CALN1: variants seen among roughly 807,000 people sequenced by gnomAD.
The protein encoded by CALN1 is calcium-binding protein 8.
In CALN1, 17 loss-of-function variants were observed where a neutral mutation model predicts 30.6. The observed-to-expected ratio is 0.56, with a 90% CI of 0.38 to 0.83. The LOEUF (loss-of-function observed/expected upper bound fraction) is 0.83, where lower values mean the gene tolerates loss of function less well. Among genes scored for constraint, CALN1 ranks in the 40% least tolerant of loss-of-function variants. The pLI is 0.00. For missense variants in CALN1, 291 were observed against 354.9 expected, an observed-to-expected ratio of 0.82 and a Z score of 1.45; for synonymous variants, 156 against 131.4, an observed-to-expected ratio of 1.19 and a Z score of -1.28.
chr7:71,848,996 G>C (rs1293408182), intron 5 of CALN1, among the ~76,000 whole-genome samples: 3 of 152,040 alleles, frequency 2.0e-5, no homozygotes, highest in Non-Finnish European at 4.4e-5. Context: ...TGTTATGGTG[G>C]CTTTCCCCAT....
chr7:72,480,246 T>G, the CALN1 span, among the ~76,000 whole-genome samples: 3 of 152,250 alleles, frequency 2.0e-5, no homozygotes, highest in African/African-American at 7.2e-5. Flanking sequence ...CGAGAGTACT[T>G]GTCAGGAATC....
At chr7:72,500,859 G>T in the CALN1 span, among the ~76,000 whole-genome samples, 2 of 151,766 alleles carry the variant, frequency 1.3e-5, no homozygotes, top group African/African-American at 4.8e-5. Flanking sequence ...ATCTTAAATT[G>T]ATTTTTTGCA....
intron 3 of CALN1, among the ~76,000 whole-genome samples, chr7:72,177,384 C>T (rs936794511): frequency 7.9e-5 from 12 of 152,114 alleles, no homozygotes; most frequent in African/African-American, 7.2e-5. Context: ...TAAGACTGAT[C>T]AGCAGCTCAG....
chr7:72,454,924 C>A, the CALN1 span, among the ~76,000 whole-genome samples: 1 of 152,038 alleles, frequency 6.6e-6, no homozygotes, highest in East Asian at 1.9e-4. Flanking sequence ...CCCCACCTCC[C>A]GGGTTCAAGT....
chr7:71,985,584 C>CTTTTT (rs962922789), intron 5 of CALN1, among the ~76,000 whole-genome samples: 39 of 96,410 alleles, frequency 4.0e-4, no homozygotes, highest in Non-Finnish European at 5.3e-4. Flanking sequence ...AGGTAGTTTT[C>CTTTTT]TTTTTTTTTT....
chr7:72,178,771 G>A (rs1789553621), intron 3 of CALN1, among the ~76,000 whole-genome samples: 2 of 151,742 alleles, frequency 1.3e-5, no homozygotes, highest in Non-Finnish European at 2.9e-5. Context: ...TACGCATATT[G>A]TAGATGTCTA....
intron 3 of CALN1, among the ~76,000 whole-genome samples, chr7:72,114,055 T>C (rs997411116): frequency 6.6e-6 from 1 of 151,398 alleles, no homozygotes; most frequent in Non-Finnish European, 1.5e-5. Flanking sequence ...AGAGCTCAGA[T>C]GTCAGAGTCT....
At chr7:72,049,264 G>C (rs1477377373) in intron 4 of CALN1, among the ~76,000 whole-genome samples, 1 of 152,078 alleles carries the variant, frequency 6.6e-6, no homozygotes, top group Non-Finnish European at 1.5e-5. Flanking sequence ...AATGATGAGA[G>C]AAAGATAATA....
chr7:72,293,186 A>G (rs946915969), intron 2 of CALN1, among the ~76,000 whole-genome samples: 6 of 152,226 alleles, frequency 3.9e-5, no homozygotes, highest in Admixed American at 1.3e-4. Context: ...GGAAGGGTGG[A>G]AAAGCCAAAC....
At chr7:71,992,514 G>C (rs1455541896) in intron 5 of CALN1, among the ~76,000 whole-genome samples, 1 of 152,058 alleles carries the variant, frequency 6.6e-6, no homozygotes, top group African/African-American at 2.4e-5. Context: ...ACATCACCAT[G>C]CCCGCTAAGT....
chr7:71,899,712 G>A (rs1584474120), intron 5 of CALN1, among the ~76,000 whole-genome samples: 1 of 152,114 alleles, frequency 6.6e-6, no homozygotes, highest in Non-Finnish European at 1.5e-5. Context: ...GAGAGGGCCA[G>A]GTCTCCAGGT....
intron 2 of CALN1, chr7:72,337,633 A>G (rs1422451085): frequency 6.5e-6 from 1 of 152,750 alleles, no homozygotes. Flanking sequence ...CACACCCTAG[A>G]TCCACGATTA....
intron 5 of CALN1, among the ~76,000 whole-genome samples, chr7:71,912,963 G>C (rs1794500245): frequency 6.6e-6 from 1 of 152,188 alleles, no homozygotes; most frequent in Non-Finnish European, 1.5e-5. Context: ...TTCCTTGGAG[G>C]AGAAGCCTGG....
intron 3 of CALN1, among the ~76,000 whole-genome samples, chr7:72,186,798 T>C (rs557385914): frequency 6.6e-6 from 1 of 152,232 alleles, no homozygotes; most frequent in African/African-American, 2.4e-5. Context: ...ACCTTTTCTT[T>C]ATGCAGTCCA....
At chr7:72,136,646 C>A (rs1315459973) in intron 3 of CALN1, among the ~76,000 whole-genome samples, 1 of 152,174 alleles carries the variant, frequency 6.6e-6, no homozygotes, top group African/African-American at 2.4e-5. Context: ...TTTATCTCAG[C>A]TTTTGTCATG....
In CALN1 at chr7:72,112,115, C is replaced by A. The variant is rs529722363; in HGVS notation, c.245-5821G>T. 4.6e-5 allele frequency among the ~76,000 whole-genome samples: 7 copies of A among 152,254 alleles called. No homozygotes were observed. The South Asian group carries it at 1.5e-3, about 32-fold the overall frequency. ...GCCCTCTGAGAATCAGGCCTCAGCT[C>A]CATGATGCTTCCTAATGACACAGCC... On this transcript the variant is annotated intron_variant, in intron 3 of 6. Coordinates refer to ENST00000395275, the MANE Select transcript of CALN1 (RefSeq NM_031468.4).
chr7:72,313,855 G>A (rs750983414), intron 2 of CALN1, among the ~76,000 whole-genome samples: 5 of 152,204 alleles, frequency 3.3e-5, no homozygotes, highest in Non-Finnish European at 5.9e-5. Context: ...CAAGGAAACA[G>A]AGGAAGGGAA....
intron 4 of CALN1, among the ~76,000 whole-genome samples, chr7:72,038,774 G>C (rs1208012714): frequency 1.3e-5 from 2 of 152,144 alleles, no homozygotes; most frequent in Admixed American, 6.5e-5. Context: ...CCAGTGCCAT[G>C]ACAGTTTACA....
In CALN1 at chr7:71,929,537, T is replaced by C. The variant is rs150010742; in HGVS notation, c.501+94120A>G. ...CACATTTTCTTTATCCAGTCTACCATTGATGGGCATGTAGGTTGATTCCAC... is the reference window on the plus strand; with the variant it reads ...CACATTTTCTTTATCCAGTCTACCACTGATGGGCATGTAGGTTGATTCCAC... On this transcript the variant is annotated intron_variant, in intron 5 of 6. Transcript: ENST00000395275. Among the ~76,000 whole-genome samples, 930 of 152,376 alleles carry C rather than the reference T, an allele frequency of 6.1e-3. 7 individuals are homozygous for C. The highest frequency in any genetic ancestry group is 0.021 in the African/African-American group (862 of 41,582).
Sources: gnomAD v4.1 joint callset for allele counts (sites outside exome capture counted in the v4.1 genomes callset) on GRCh38, gnomAD v4.1.1 for gene constraint, MANE v1.5 for transcripts, NCBI Gene and HGNC (gene_info 2026-07-23, HGNC 2026-07-21) for gene names.